The following CCDC138 variants were observed in gnomAD, a reference collection of about 807,000 sequenced individuals.
CCDC138 encodes the protein coiled-coil domain containing 138.
Under a neutral mutation model 82.3 loss-of-function variants are expected in CCDC138, and 66 were observed. The ratio of observed to expected loss-of-function variants is 0.80; its 90% CI spans 0.66 to 0.98. The LOEUF (loss-of-function observed/expected upper bound fraction) is 0.98. CCDC138 is among the 50% of genes least tolerant of loss of function. The pLI, the probability that CCDC138 is intolerant of heterozygous loss-of-function variation, is 0.00. For missense variants in CCDC138, 816 were observed against 758.9 expected, an observed-to-expected ratio of 1.08 and a Z score of -0.88; for synonymous variants, 297 against 265.4, an observed-to-expected ratio of 1.12 and a Z score of -1.16.
intron 10 of CCDC138, among the ~76,000 whole-genome samples, chr2:108,819,130 C>A (rs1166807473): frequency 6.6e-6 from 1 of 152,050 alleles, no homozygotes; most frequent in Non-Finnish European, 1.5e-5. Context: ...CATGGAAACA[C>A]CAAGTTAATT....
At chr2:108,848,259 G>T (rs1690830784) in intron 12 of CCDC138, among the ~76,000 whole-genome samples, 1 of 152,094 alleles carries the variant, frequency 6.6e-6, no homozygotes, top group South Asian at 2.1e-4. Flanking sequence ...AAGCAAAAAT[G>T]CAATAAGGGA....
intron 13 of CCDC138, among the ~76,000 whole-genome samples, chr2:108,864,667 G>A (rs1694137465): frequency 6.6e-6 from 1 of 152,020 alleles, no homozygotes; most frequent in Non-Finnish European, 1.5e-5. Context: ...GGTGGCCCAC[G>A]CCTGTAGTCC....
chr2:108,879,091 T>C (rs190913030), downstream of CCDC138, among the ~76,000 whole-genome samples: 12 of 152,350 alleles, frequency 7.9e-5, no homozygotes, highest in Admixed American at 5.9e-4. Flanking sequence ...AAGATCAAAA[T>C]TGGCTTAAGA....
chr2:108,825,343 CTG>C (rs1686376491), intron 10 of CCDC138, among the ~76,000 whole-genome samples: 2 of 151,954 alleles, frequency 1.3e-5, no homozygotes, highest in South Asian at 4.1e-4. Context: ...AGCATTTTAA[CTG>C]TGCAATTCAG....
intron 13 of CCDC138, among the ~76,000 whole-genome samples, chr2:108,867,173 G>A (rs1336977905): frequency 1.7e-4 from 26 of 152,058 alleles, no homozygotes; most frequent in Non-Finnish European, 4.4e-5. Context: ...GAAATTAAGT[G>A]ACTTATTTAA....
At chr2:108,880,375 A>C (rs1405155533), downstream of CCDC138, among the ~76,000 whole-genome samples, 1 of 152,210 alleles carries the variant, frequency 6.6e-6, no homozygotes, top group Non-Finnish European at 1.5e-5. Context: ...TGGAAATCCT[A>C]TTCAAAATCC....
intron 10 of CCDC138, among the ~76,000 whole-genome samples, chr2:108,834,277 A>G (rs1269777233): frequency 2.7e-5 from 4 of 150,780 alleles, no homozygotes; most frequent in Non-Finnish European, 4.4e-5. Flanking sequence ...CAGTGGCGCA[A>G]TCTCGGCTCA....
Position 108,788,067 on chromosome 2 carries a change from G to C in CCDC138, c.129G>C (p.Lys43Asn). ...CAAATTTTTATCAGTCTAAGTATAA[G>C]AGAAGAACTCTAACCTCCCCAGGTA... is the stretch of plus-strand genomic sequence containing the variant. ...DFSNFYQSKYKRRTLTSPGDL... is the reference protein window; with the variant it reads ...DFSNFYQSKYNRRTLTSPGDL... The change falls in exon 2 of 15, where the codon AAG becomes AAC. Residue 43 changes from lysine to asparagine, a missense_variant. Coordinates refer to ENST00000295124, the MANE Select transcript of CCDC138 (RefSeq NM_144978.3). 2.5e-6 allele frequency: 4 copies of C among 1,597,692 alleles called. No homozygotes were observed. The highest frequency in any genetic ancestry group is 3.4e-6 in the Non-Finnish European group (4 of 1,173,426).
chr2:108,875,652 G>C (rs1695919472), intron 14 of CCDC138, among the ~76,000 whole-genome samples: 1 of 152,164 alleles, frequency 6.6e-6, no homozygotes, highest in South Asian at 2.1e-4. Context: ...GAGCCCAGAA[G>C]TTCAAGACCA....
intron 10 of CCDC138, among the ~76,000 whole-genome samples, chr2:108,818,714 CTGTT>C (rs1195014035): frequency 1.3e-5 from 2 of 152,026 alleles, no homozygotes; most frequent in Non-Finnish European, 2.9e-5. Flanking sequence ...TTATCGGACT[CTGTT>C]AACCACTTGG....
chr2:108,821,536 G>T (rs1685702319), intron 10 of CCDC138, among the ~76,000 whole-genome samples: 1 of 152,060 alleles, frequency 6.6e-6, no homozygotes, highest in South Asian at 2.1e-4. Context: ...AATGAAAAGG[G>T]AATCTAAGTG....
At chr2:108,799,794 C>G (rs759185620) in intron 6 of CCDC138, among the ~76,000 whole-genome samples, 1 of 152,104 alleles carries the variant, frequency 6.6e-6, no homozygotes, top group Non-Finnish European at 1.5e-5. Context: ...TTCTGAGGCT[C>G]CATTCCTTTT....
In CCDC138 at chr2:108,816,366, G is replaced by A. The variant is rs148955077; in HGVS notation, c.1206+261G>A. Among the ~76,000 whole-genome samples the A allele has an allele frequency of 5.0e-3, 760 of 152,192 alleles. 4 individuals are homozygous for A. Among genetic ancestry groups the A allele is most frequent in the South Asian group, 0.021 (101 of 4,812 alleles). Reference sequence around the variant, plus strand: ...CTTGGGAGGCTGAGGCAGGAGAAACGCTTGAATCTGGGAGGTGGAGGTTGC... The same window carrying A: ...CTTGGGAGGCTGAGGCAGGAGAAACACTTGAATCTGGGAGGTGGAGGTTGC... On this transcript the variant is annotated intron_variant, in intron 10 of 14. Coordinates refer to ENST00000295124, the MANE Select transcript of CCDC138 (RefSeq NM_144978.3).
intron 10 of CCDC138, among the ~76,000 whole-genome samples, chr2:108,826,522 A>G (rs1441892551): frequency 1.3e-5 from 2 of 152,112 alleles, no homozygotes; most frequent in East Asian, 1.9e-4. Context: ...TTCCTTCCCT[A>G]TTGAATTGTT....
chr2:108,823,852 CTG>C (rs1238824938), intron 10 of CCDC138, among the ~76,000 whole-genome samples: 4 of 152,084 alleles, frequency 2.6e-5, no homozygotes, highest in Non-Finnish European at 4.4e-5. Context: ...TGGCGGGCAT[CTG>C]TAATCCCAGC....
downstream of CCDC138, among the ~76,000 whole-genome samples, chr2:108,881,345 G>T (rs1439411831): frequency 6.6e-6 from 1 of 152,232 alleles, no homozygotes; most frequent in African/African-American, 2.4e-5. Context: ...TAGAATTGAA[G>T]AGAGTTAGGG....
At chr2:108,869,724 A>C (rs1694953035) in intron 13 of CCDC138, among the ~76,000 whole-genome samples, 3 of 152,184 alleles carry the variant, frequency 2.0e-5, no homozygotes, top group African/African-American at 7.2e-5. Context: ...AGGCCCAGAC[A>C]GGATGCATGC....
At chr2:108,834,628 C>A (rs1024080920) in intron 10 of CCDC138, among the ~76,000 whole-genome samples, 1 of 152,118 alleles carries the variant, frequency 6.6e-6, no homozygotes, top group African/African-American at 2.4e-5. Context: ...ATCATTTTAG[C>A]CATTTATAAA....
In CCDC138 at chr2:108,856,990, A is replaced by T; in HGVS notation, c.1693+20A>T. 2 of 1,288,828 alleles carry T rather than the reference A, an allele frequency of 1.6e-6. No individual in the cohort carries two copies. The highest frequency in any genetic ancestry group is 3.2e-5 in the African/African-American group (2 of 63,074). 79.8% of individuals were successfully genotyped at this position (1,288,828 alleles called of 1,614,324 possible). ...AATCTAGTAAGTTTTTAAGTTCTAT[A>T]TGTGTAAAGAAAGCAGGATGATTTT... is the stretch of plus-strand genomic sequence containing the variant. On this transcript the variant is annotated intron_variant, in intron 13 of 14. Transcript: ENST00000295124.
Sources: gnomAD v4.1 joint callset for allele counts (sites outside exome capture counted in the v4.1 genomes callset) on GRCh38, gnomAD v4.1.1 for gene constraint, MANE v1.5 for transcripts, NCBI Gene and HGNC (gene_info 2026-07-23, HGNC 2026-07-21) for gene names.